The following ARHGAP10 variants were observed in gnomAD, a reference collection of about 807,000 sequenced individuals.
ARHGAP10 encodes the protein Rho GTPase activating protein 10.
A neutral mutation model predicts 108.6 loss-of-function variants in ARHGAP10; 87 were observed. The ratio of observed to expected loss-of-function variants is 0.80; its 90% confidence interval spans 0.67 to 0.96. The LOEUF (loss-of-function observed/expected upper bound fraction) is 0.96. ARHGAP10 is among the 40% of genes least tolerant of loss of function. The pLI is 0.00. For missense variants in ARHGAP10, 939 were observed against 954.5 expected (o/e 0.98, Z 0.21); for synonymous variants, 347 against 341.1 (o/e 1.02, Z -0.19).
At chr4:147,969,345 T>TTTTTTG (rs761497318) in intron 18 of ARHGAP10, among the ~76,000 whole-genome samples, 21 of 129,170 alleles carry the variant, frequency 1.6e-4, no homozygotes, top group Non-Finnish European at 2.4e-4. Context: ...TTTTTTTTTT[T>TTTTTTG]GCCAGTGGTG....
intron 18 of ARHGAP10, among the ~76,000 whole-genome samples, chr4:148,015,939 T>C (rs1425040872): frequency 6.6e-6 from 1 of 152,156 alleles, no homozygotes; most frequent in Non-Finnish European, 1.5e-5. Context: ...TTCTGTGAAA[T>C]AAGACATCAG....
chr4:147,786,421 T>C (rs1321836752), intron 1 of ARHGAP10, among the ~76,000 whole-genome samples: 1 of 152,158 alleles, frequency 6.6e-6, no homozygotes, highest in Non-Finnish European at 1.5e-5. Flanking sequence ...GCTTAGTTCT[T>C]AGCAATGGCA....
chr4:147,915,169 T>C (rs1736923709), intron 13 of ARHGAP10, among the ~76,000 whole-genome samples: 1 of 151,886 alleles, frequency 6.6e-6, no homozygotes, highest in Admixed American at 6.6e-5. Context: ...TAGGAGCTGT[T>C]GTATGATTTG....
rs190116101 is a variant in ARHGAP10, at chr4:147,774,686, A to C, written c.154+42231A>C. Among the ~76,000 whole-genome samples the C allele has an allele frequency of 2.6e-5, 4 of 152,192 alleles. No individual in the cohort carries two copies. In the East Asian group the frequency reaches 7.7e-4, roughly 29 times the overall value. On this transcript the variant is annotated intron_variant, in intron 1 of 22. Coordinates refer to ENST00000336498, the MANE Select transcript of ARHGAP10 (RefSeq NM_024605.4). ...GTTGTGGAAGATAGTATAAAATTCA[A>C]ATAATGCTTTTACCTGAGCACTAGT...
chr4:147,878,155 G>T (rs148660321), intron 8 of ARHGAP10, among the ~76,000 whole-genome samples: 1,543 of 152,038 alleles, frequency 0.01, 24 homozygotes, highest in African/African-American at 0.034. Context: ...GAGTGCAGTG[G>T]CGCGATCTCA....
chr4:147,970,056 A>G (rs556480374), intron 18 of ARHGAP10, among the ~76,000 whole-genome samples: 1 of 152,018 alleles, frequency 6.6e-6, no homozygotes, highest in Admixed American at 6.5e-5. Flanking sequence ...AAATTTCCCC[A>G]TTACCTCGCC....
chr4:148,044,745 G>A (rs538196840), intron 19 of ARHGAP10, among the ~76,000 whole-genome samples: 110 of 152,282 alleles, frequency 7.2e-4, no homozygotes, highest in African/African-American at 2.0e-3. Context: ...AGAACTGGAC[G>A]GAGTTGAGCT....
intron 1 of ARHGAP10, among the ~76,000 whole-genome samples, chr4:147,816,163 C>A (rs1172734761): frequency 1.3e-5 from 2 of 152,156 alleles, no homozygotes; most frequent in Admixed American, 6.5e-5. Flanking sequence ...CAGGTACTCT[C>A]TCCAGACAGT....
chr4:147,843,001 C>T (rs1431054758), intron 3 of ARHGAP10, among the ~76,000 whole-genome samples: 1 of 152,214 alleles, frequency 6.6e-6, no homozygotes, highest in Middle Eastern at 3.2e-3. Context: ...TGAAACTTCT[C>T]ATGTCCAAAC....
At chr4:147,982,273 T>C (rs768301310) in intron 18 of ARHGAP10, among the ~76,000 whole-genome samples, 1 of 152,162 alleles carries the variant, frequency 6.6e-6, no homozygotes, top group Non-Finnish European at 1.5e-5. Flanking sequence ...ATTTTTTCTT[T>C]TGCGTTGATC....
At chr4:148,015,106 C>T (rs1367550613) in intron 18 of ARHGAP10, among the ~76,000 whole-genome samples, 1 of 152,160 alleles carries the variant, frequency 6.6e-6, no homozygotes. Flanking sequence ...GAGAGGGCCT[C>T]ATACTGATAG....
At chr4:147,911,272 T>G (rs888794382) in intron 12 of ARHGAP10, among the ~76,000 whole-genome samples, 1 of 152,202 alleles carries the variant, frequency 6.6e-6, no homozygotes, top group Non-Finnish European at 1.5e-5. Context: ...ATTCATGGAT[T>G]GTTCTTGTAA....
intron 20 of ARHGAP10, among the ~76,000 whole-genome samples, chr4:148,056,108 T>C (rs1729354061): frequency 6.6e-6 from 1 of 152,244 alleles, no homozygotes; most frequent in Admixed American, 6.5e-5. Context: ...AATTGAGTAG[T>C]TGCAGAAGGC....
intron 1 of ARHGAP10, among the ~76,000 whole-genome samples, chr4:147,775,742 G>A (rs75418649): frequency 0.024 from 3,668 of 152,126 alleles, 150 homozygotes; most frequent in African/African-American, 0.084. Context: ...TAGGCATGGG[G>A]GCTCTAAATC....
At chr4:147,749,690 C>T (rs1729063899) in intron 1 of ARHGAP10, among the ~76,000 whole-genome samples, 1 of 152,170 alleles carries the variant, frequency 6.6e-6, no homozygotes, top group South Asian at 2.1e-4. Flanking sequence ...TATTTTCCAT[C>T]TTTCGAGTTT....
Position 148,046,768 on chromosome 4 carries a change from C to A in ARHGAP10, c.1868-124C>A, listed in dbSNP as rs966142237. 12 of 967,168 alleles carry A rather than the reference C, an allele frequency of 1.2e-5. No individual in the cohort carries two copies. In the African/African-American group the frequency reaches 1.3e-4, roughly 11 times the overall value. 59.9% of individuals were successfully genotyped at this position (967,168 alleles called of 1,614,324 possible). On this transcript the variant is annotated intron_variant, in intron 19 of 22. Transcript: ENST00000336498. ...TAAAGACAGGACACCCAGATACTGT[C>A]AGGCTGAACTGTAAATGTAATTTTA...
At chr4:147,842,288 C>T (rs185746879) in intron 3 of ARHGAP10, among the ~76,000 whole-genome samples, 9 of 152,158 alleles carry the variant, frequency 5.9e-5, no homozygotes, top group South Asian at 2.1e-4. Flanking sequence ...GGGGCTCAGA[C>T]GGATATTGCA....
intron 18 of ARHGAP10, among the ~76,000 whole-genome samples, chr4:148,020,191 T>C (rs1741512616): frequency 6.6e-6 from 1 of 152,214 alleles, no homozygotes; most frequent in Admixed American, 6.5e-5. Context: ...GGTGTGTATT[T>C]AGAATCTTTG....
intron 3 of ARHGAP10, among the ~76,000 whole-genome samples, chr4:147,840,571 CGG>C (rs1553955620): frequency 6.6e-6 from 1 of 152,100 alleles, no homozygotes; most frequent in Non-Finnish European, 1.5e-5. Context: ...TGGATTCAGG[CGG>C]TATGTGTCAT....
Sources: gnomAD v4.1 joint callset for allele counts (sites outside exome capture counted in the v4.1 genomes callset) on GRCh38, gnomAD v4.1.1 for gene constraint, MANE v1.5 for transcripts, NCBI Gene and HGNC (gene_info 2026-07-23, HGNC 2026-07-21) for gene names.